Variants in ELF1 observed in about 807,000 individuals in gnomAD.
The protein encoded by ELF1 is ETS-related transcription factor Elf-1.
Under a neutral mutation model 59.9 loss-of-function variants are expected in ELF1, and 24 were observed. That is an observed-to-expected ratio of 0.40 (90% confidence interval 0.29 to 0.56). ELF1 has a LOEUF of 0.56. Ranked by LOEUF, ELF1 falls within the 20% of genes least tolerant of loss-of-function variation. The pLI, the probability that ELF1 is intolerant of heterozygous loss-of-function variation, is 0.44. For synonymous variants in ELF1, 248 were observed against 266.2 expected (o/e 0.93, Z 0.67); for missense variants, 627 against 742.2 (o/e 0.84, Z 1.80).
Position 41,060,911 on chromosome 13 carries a change from T to TGCCGCC in ELF1, c.-303_-302insGGCGGC, listed in dbSNP as rs1225488758. On this transcript the variant is annotated 5_prime_UTR_variant, in exon 1 of 2. Coordinates refer to the ELF1 transcript ENST00000405737. Reference sequence around the variant, plus strand: ...GCCGCCTCTGCGCTACTGAAGCTGCTGCTGCCGCCGCCGCCGCCGCCGCCG... The same window carrying TGCCGCC: ...GCCGCCTCTGCGCTACTGAAGCTGCTGCCGCCGCTGCCGCCGCCGCCGCCGCCGCCG... 18 of 264,454 alleles carry TGCCGCC rather than the reference T, an allele frequency of 6.8e-5. 3 individuals carry two copies. The highest frequency in any genetic ancestry group is 1.1e-4 in the Non-Finnish European group (16 of 140,244). The allele number at this position is 264,454 out of a possible 1,614,324, so 16.4% of individuals were successfully genotyped here.
At chr13:40,963,143 A>G (rs1489160007) in intron 2 of ELF1, among the ~76,000 whole-genome samples, 1 of 152,234 alleles carries the variant, frequency 6.6e-6, no homozygotes, top group African/African-American at 2.4e-5. Context: ...GAGAAAACAG[A>G]GGCAAGGGAA....
At chr13:41,010,320 G>A (rs1471168353) in intron 1 of ELF1, among the ~76,000 whole-genome samples, 2 of 151,246 alleles carry the variant, frequency 1.3e-5, no homozygotes, top group African/African-American at 2.4e-5. Context: ...GCACGTCATA[G>A]TGGTATGCAC....
chr13:40,981,485 C>T (rs1266903569), intron 2 of ELF1, among the ~76,000 whole-genome samples: 2 of 152,022 alleles, frequency 1.3e-5, no homozygotes, highest in South Asian at 4.1e-4. Context: ...TTCTTCAGTT[C>T]AATCCCCTCA....
chr13:41,036,389 T>C (rs1876381870), intron 1 of ELF1, among the ~76,000 whole-genome samples: 1 of 152,252 alleles, frequency 6.6e-6, no homozygotes, highest in African/African-American at 2.4e-5. Flanking sequence ...TGAAACGTTT[T>C]GGCTATAGCT....
chr13:41,016,398 T>C (rs1219278289), intron 1 of ELF1, among the ~76,000 whole-genome samples: 1 of 152,158 alleles, frequency 6.6e-6, no homozygotes, highest in Non-Finnish European at 1.5e-5. Context: ...ACAAAAGATT[T>C]TGTATATACC....
In ELF1 at chr13:41,033,385, A is replaced by G. The variant is rs527628198; in HGVS notation, c.-229+27453T>C. Among the ~76,000 whole-genome samples the G allele has an allele frequency of 5.3e-5, 8 of 152,364 alleles. No homozygotes were observed. The South Asian group carries it at 1.2e-3, about 24-fold the overall frequency. ...TTGTTATAGTGCCAGGACACATAGT[A>G]TGTTCTCAAATACATAACGAAAAGA... On this transcript the variant is annotated intron_variant, in intron 1 of 1. Coordinates refer to the ELF1 transcript ENST00000405737.
chr13:41,037,593 G>A (rs1876437072), intron 1 of ELF1, among the ~76,000 whole-genome samples: 1 of 152,056 alleles, frequency 6.6e-6, no homozygotes, highest in Non-Finnish European at 1.5e-5. Context: ...TCAGGAGTTT[G>A]AGACCAGCCT....
At chr13:40,970,008 C>G (rs1872430711) in intron 2 of ELF1, among the ~76,000 whole-genome samples, 1 of 152,114 alleles carries the variant, frequency 6.6e-6, no homozygotes, top group African/African-American at 2.4e-5. Context: ...TCCTCAGTTT[C>G]TTTCATTGTT....
intron 1 of ELF1, among the ~76,000 whole-genome samples, chr13:41,044,763 G>A (rs1253181993): frequency 1.3e-5 from 2 of 151,860 alleles, no homozygotes; most frequent in East Asian, 1.9e-4. Flanking sequence ...CTCTTTTTTT[G>A]TTGTGTCTCT....
At chr13:41,019,780 G>A (rs923078789), upstream of ELF1, among the ~76,000 whole-genome samples, 2 of 152,086 alleles carry the variant, frequency 1.3e-5, no homozygotes, top group African/African-American at 4.8e-5. Context: ...ATATTGCTAT[G>A]TAGTCTGGAA....
chr13:40,946,727 T>A (rs536829518), intron 5 of ELF1, among the ~76,000 whole-genome samples: 2 of 151,998 alleles, frequency 1.3e-5, no homozygotes, highest in East Asian at 3.9e-4. Flanking sequence ...TGGCCAGGCA[T>A]GGTGGCTCAC....
intron 1 of ELF1, among the ~76,000 whole-genome samples, chr13:41,032,885 A>G (rs902679429): frequency 1.3e-5 from 2 of 151,636 alleles, no homozygotes; most frequent in Non-Finnish European, 1.5e-5. Flanking sequence ...GAAAAAACTT[A>G]GTACTATGGT....
chr13:41,006,253 T>C (rs1555278283), intron 1 of ELF1, among the ~76,000 whole-genome samples: 1 of 150,140 alleles, frequency 6.7e-6, no homozygotes, highest in Non-Finnish European at 1.5e-5. Flanking sequence ...TCCTAGCATA[T>C]CTTTAGTATA....
intron 1 of ELF1, among the ~76,000 whole-genome samples, chr13:41,055,343 T>C (rs1877245221): frequency 6.6e-6 from 1 of 151,864 alleles, no homozygotes; most frequent in Non-Finnish European, 1.5e-5. Context: ...TAGTAACTGT[T>C]GACATGCCTC....
intron 2 of ELF1, among the ~76,000 whole-genome samples, chr13:40,969,695 T>C (rs989871148): frequency 3.3e-5 from 5 of 152,184 alleles, no homozygotes; most frequent in Non-Finnish European, 5.9e-5. Context: ...GAACCGAAAC[T>C]GTTTAAATTA....
At chr13:41,032,863 A>C (rs969103553) in intron 1 of ELF1, among the ~76,000 whole-genome samples, 5 of 150,648 alleles carry the variant, frequency 3.3e-5, no homozygotes, top group Non-Finnish European at 7.4e-5. Context: ...AAAAAAAAAA[A>C]AACAAACCAA....
At chr13:41,054,000 A>G (rs908472653) in intron 1 of ELF1, among the ~76,000 whole-genome samples, 2 of 152,210 alleles carry the variant, frequency 1.3e-5, no homozygotes, top group Admixed American at 6.5e-5. Flanking sequence ...GATGTTTGAT[A>G]TATTTCTCAA....
chr13:41,006,933 T>A (rs964667198), intron 1 of ELF1, among the ~76,000 whole-genome samples: 41 of 152,186 alleles, frequency 2.7e-4, no homozygotes, highest in African/African-American at 9.4e-4. Flanking sequence ...TCTTCCAGCA[T>A]ACTTTACCCA....
intron 5 of ELF1, among the ~76,000 whole-genome samples, chr13:40,944,219 G>T: frequency 6.6e-6 from 1 of 152,170 alleles, no homozygotes; most frequent in South Asian, 2.1e-4. Context: ...TGCCTTTGAA[G>T]TACCCATACT....
Sources: allele counts gnomAD v4.1 joint callset (sites outside exome capture counted in the v4.1 genomes callset), GRCh38; gene constraint gnomAD v4.1.1; transcripts MANE v1.5; gene names NCBI Gene and HGNC (gene_info 2026-07-23, HGNC 2026-07-21).